SLC10A7: variants seen among roughly 807,000 people sequenced by gnomAD.
SLC10A7 encodes sodium/bile acid cotransporter 7.
SLC10A7 carries 29 observed loss-of-function variants against 43.2 expected under a neutral mutation model. The ratio of observed to expected loss-of-function variants is 0.67; its 90% CI spans 0.50 to 0.92. The LOEUF is 0.92. Ranked by LOEUF, SLC10A7 falls within the 40% of genes least tolerant of loss-of-function variation. The pLI, the probability that SLC10A7 is intolerant of heterozygous loss-of-function variation, is 0.00. For missense variants in SLC10A7, 295 were observed against 403.2 expected (o/e 0.73, Z 2.30); for synonymous variants, 152 against 144.8 (o/e 1.05, Z -0.35).
intron 5 of SLC10A7, among the ~76,000 whole-genome samples, chr4:146,402,104 A>G (rs1437072854): frequency 1.3e-5 from 2 of 152,180 alleles, no homozygotes; most frequent in Admixed American, 1.3e-4. Flanking sequence ...AAGATCCAGC[A>G]TGCTAGGTAC....
intron 7 of SLC10A7, among the ~76,000 whole-genome samples, chr4:146,296,571 GAA>G (rs1371670783): frequency 1.3e-5 from 2 of 152,148 alleles, no homozygotes; most frequent in Non-Finnish European, 2.9e-5. Context: ...AAAAGAACTG[GAA>G]AGTTGGAAAT....
At chr4:146,305,892 TA>T (rs1457962128) in intron 7 of SLC10A7, 33 bp downstream of exon 7, 6 of 1,529,928 alleles carry the variant, frequency 3.9e-6, no homozygotes, top group Non-Finnish European at 5.3e-6. Context: ...ATTTGATCCA[TA>T]AAGAAAAGAT....
intron 10 of SLC10A7, among the ~76,000 whole-genome samples, chr4:146,269,300 T>C (rs957901075): frequency 2.6e-5 from 4 of 152,224 alleles, no homozygotes; most frequent in Non-Finnish European, 4.4e-5. Flanking sequence ...CCCTCACCTG[T>C]CTGACAGCAT....
At chr4:146,327,959 G>C (rs1333821990) in intron 5 of SLC10A7, among the ~76,000 whole-genome samples, 2 of 152,172 alleles carry the variant, frequency 1.3e-5, no homozygotes, top group African/African-American at 2.4e-5. Context: ...CTGCAGACCA[G>C]AGGTCAGGCC....
chr4:146,394,447 C>A (rs143838789), intron 5 of SLC10A7, among the ~76,000 whole-genome samples: 3,278 of 152,216 alleles, frequency 0.022, 105 homozygotes, highest in African/African-American at 0.075. Flanking sequence ...GCAACCTCAG[C>A]CTCCTGAGTT....
chr4:146,364,501 A>T (rs560445653), intron 5 of SLC10A7, among the ~76,000 whole-genome samples: 2 of 152,288 alleles, frequency 1.3e-5, no homozygotes, highest in African/African-American at 2.4e-5. Context: ...AATGGAAGAC[A>T]TTATGATAAG....
chr4:146,341,191 C>T (rs866281980), intron 5 of SLC10A7, among the ~76,000 whole-genome samples: 1 of 151,828 alleles, frequency 6.6e-6, no homozygotes, highest in Non-Finnish European at 1.5e-5. Flanking sequence ...ATTGCAGGAA[C>T]TTTAAAAGTA....
At chr4:146,514,951 T>C (rs190663071) in intron 2 of SLC10A7, 3 of 561,260 alleles carry the variant, frequency 5.3e-6, no homozygotes, top group Admixed American at 3.3e-5. Context: ...ATGGCTTTGA[T>C]TGCTGCTTAG....
At chr4:146,515,778 T>G (rs1300735727) in intron 2 of SLC10A7, among the ~76,000 whole-genome samples, 2 of 151,762 alleles carry the variant, frequency 1.3e-5, no homozygotes, top group African/African-American at 4.8e-5. Context: ...GGCGTGGTGG[T>G]GGGTGCCTGT....
chr4:146,411,910 G>T (rs756134873), intron 5 of SLC10A7, among the ~76,000 whole-genome samples: 13 of 152,076 alleles, frequency 8.5e-5, no homozygotes, highest in Non-Finnish European at 1.3e-4. Context: ...GGAAATAACA[G>T]TTTAAATGTA....
chr4:146,457,515 C>T (rs1462345175), intron 4 of SLC10A7, among the ~76,000 whole-genome samples: 1 of 151,802 alleles, frequency 6.6e-6, no homozygotes, highest in Non-Finnish European at 1.5e-5. Context: ...ATCCCCTCAT[C>T]GCCCCAAAAA....
chr4:146,405,253 C>T (rs949791711), intron 5 of SLC10A7, among the ~76,000 whole-genome samples: 1 of 152,140 alleles, frequency 6.6e-6, no homozygotes, highest in African/African-American at 2.4e-5. Flanking sequence ...TCATCTTATC[C>T]ATACCATTCA....
At chr4:146,363,342 T>C (rs1293703708) in intron 5 of SLC10A7, among the ~76,000 whole-genome samples, 1 of 152,032 alleles carries the variant, frequency 6.6e-6, no homozygotes, top group Non-Finnish European at 1.5e-5. Flanking sequence ...ATGCACTCAA[T>C]GCAGCATCCA....
rs114643093 is a variant in SLC10A7, at chr4:146,268,572, G to C, written c.848-9735C>G. ...TTGGTAAGGCAGAATATTGATTGTA[G>C]CCAATACTTACACAGCGTTTACTAT... On this transcript the variant is annotated intron_variant, in intron 10 of 11. Coordinates refer to ENST00000335472, the MANE Select transcript of SLC10A7 (RefSeq NM_001029998.6). 6.8e-3 allele frequency among the ~76,000 whole-genome samples: 1,030 copies of C among 152,238 alleles called. 13 individuals carry two copies. Among genetic ancestry groups the C allele is most frequent in the African/African-American group, 0.024 (998 of 41,532 alleles).
chr4:146,257,529 A>G (rs1295036386), intron 11 of SLC10A7, among the ~76,000 whole-genome samples: 1 of 152,166 alleles, frequency 6.6e-6, no homozygotes, highest in Non-Finnish European at 1.5e-5. Flanking sequence ...GAACTACCCT[A>G]TGGTCTCAGG....
intron 4 of SLC10A7, among the ~76,000 whole-genome samples, chr4:146,451,396 T>C (rs1192825731): frequency 1.3e-5 from 2 of 151,734 alleles, no homozygotes; most frequent in African/African-American, 4.8e-5. Flanking sequence ...AGCATTACCC[T>C]GATACCAAAC....
At chr4:146,265,592 G>A (rs1328679303) in intron 10 of SLC10A7, among the ~76,000 whole-genome samples, 1 of 152,108 alleles carries the variant, frequency 6.6e-6, no homozygotes, top group Non-Finnish European at 1.5e-5. Flanking sequence ...GATTTTTCCT[G>A]AACATAGGCA....
intron 5 of SLC10A7, among the ~76,000 whole-genome samples, chr4:146,431,286 G>C (rs1383600434): frequency 2.6e-5 from 4 of 152,024 alleles, no homozygotes; most frequent in Non-Finnish European, 5.9e-5. Context: ...TGGATTTACA[G>C]GGCAAAAAAA....
At chr4:146,336,006 T>TAA (rs1285260338) in intron 5 of SLC10A7, among the ~76,000 whole-genome samples, 1 of 152,138 alleles carries the variant, frequency 6.6e-6, no homozygotes, top group African/African-American at 2.4e-5. Context: ...TACTATGTCA[T>TAA]AATCTGCATC....
Sources: allele counts gnomAD v4.1 joint callset (sites outside exome capture counted in the v4.1 genomes callset), GRCh38; gene constraint gnomAD v4.1.1; transcripts MANE v1.5; gene names NCBI Gene and HGNC (gene_info 2026-07-23, HGNC 2026-07-21).